The following TNFRSF1A variants were observed in gnomAD, a reference collection of about 807,000 sequenced individuals.
TNFRSF1A encodes the protein TNF receptor superfamily member 1A, also known as tumor necrosis factor receptor superfamily member 1A.
Under a neutral mutation model 41.6 loss-of-function variants are expected in TNFRSF1A, and 9 were observed. The observed-to-expected ratio is 0.22, with a 90% CI of 0.13 to 0.38. The LOEUF (loss-of-function observed/expected upper bound fraction) is 0.38. Ranked by LOEUF, TNFRSF1A falls within the 10% of genes least tolerant of loss-of-function variation. The probability of loss-of-function intolerance (pLI) is 1.00; values close to 1 mark genes in which losing one functional copy is unlikely to be tolerated. For synonymous variants in TNFRSF1A, 254 were observed against 248.6 expected (o/e 1.02, Z -0.21); for missense variants, 463 against 591.5 (o/e 0.78, Z 2.25).
At chr12:6,340,889 T>A (rs1948186465) in intron 1 of TNFRSF1A, among the ~76,000 whole-genome samples, 1 of 152,200 alleles carries the variant, frequency 6.6e-6, no homozygotes, top group Non-Finnish European at 1.5e-5. Flanking sequence ...GAAAGGGACA[T>A]TTTCCAGTGA....
intron 1 of TNFRSF1A, among the ~76,000 whole-genome samples, chr12:6,336,129 C>G (rs1305664059): frequency 6.6e-6 from 1 of 152,186 alleles, no homozygotes; most frequent in Non-Finnish European, 1.5e-5. Flanking sequence ...ATCCAGGGGG[C>G]TTGAGGCAGA....
Position 6,332,000 on chromosome 12 carries a change from CAAAAAAAAAAAA to C in TNFRSF1A, c.551+1057_551+1068del, listed in dbSNP as rs750532640. The C allele has an allele frequency of 2.9e-3, 231 of 78,896 alleles. 3 individuals carry two copies. In the Admixed American group the frequency reaches 0.043, roughly 15 times the overall value. The allele number at this position is 78,896 out of a possible 1,614,324, so 4.9% of individuals were successfully genotyped here. On this transcript the variant is annotated intron_variant, in intron 5 of 9. Transcript: ENST00000162749. ...TGGGCGACAGAGCAGGACTCTGTGT[CAAAAAAAAAAAA>C]AAAAAAAAAAAAGAAGATTAATGGA...
At chr12:6,329,750 CTCG>C (rs976168635) in intron 9 of TNFRSF1A, 25 bp downstream of exon 9, 16 of 1,586,368 alleles carry the variant, frequency 1.0e-5, no homozygotes, top group Non-Finnish European at 1.4e-5. Flanking sequence ...CCCCAGCCTC[CTCG>C]TCTCCAGCCG....
chr12:6,330,835 C>A lies in TNFRSF1A; in HGVS notation c.625+18G>T. Reference sequence around the variant, plus strand: ...GGAGAGGGCAGGTGAGCATGGGCACCAGGTCACTTCTCCTCACCTGAGTCC... The same window carrying A: ...GGAGAGGGCAGGTGAGCATGGGCACAAGGTCACTTCTCCTCACCTGAGTCC... On this transcript the variant is annotated intron_variant, in intron 6 of 9. Coordinates refer to ENST00000162749, the MANE Select transcript of TNFRSF1A (RefSeq NM_001065.4). 6.2e-7 allele frequency: 1 copy of A among 1,611,538 alleles called. No individual in the cohort carries two copies. Among genetic ancestry groups the A allele is most frequent in the African/African-American group, 1.3e-5 (1 of 74,972 alleles).
At position 6,329,543 on chromosome 12, in the gene TNFRSF1A, C is replaced by A. The variant is rs753951093; in HGVS notation, c.1137G>T (p.Gly379=). Residue 379 remains glycine, a synonymous_variant, in exon 10 of 10, where the codon GGG becomes GGT. Coordinates refer to ENST00000162749, the MANE Select transcript of TNFRSF1A (RefSeq NM_001065.4). ...LRWKEFVRRL[G]LSDHEIDRLE... Reference sequence around the variant, plus strand: ...GCCGATCGATCTCGTGGTCGCTCAGCCCTAGGCGCCGCACGAATTCCTTCC... The same window carrying A: ...GCCGATCGATCTCGTGGTCGCTCAGACCTAGGCGCCGCACGAATTCCTTCC... 1.3e-6 allele frequency: 2 copies of A among 1,593,272 alleles called. No individual in the cohort carries two copies. The highest frequency in any genetic ancestry group is 2.2e-5 in the South Asian group (2 of 90,388).
chr12:6,332,445 AAAAAAAAAAAC>A, intron 5 of TNFRSF1A, among the ~76,000 whole-genome samples: 1 of 151,144 alleles, frequency 6.6e-6, no homozygotes, highest in Non-Finnish European at 1.5e-5. Flanking sequence ...AAAAAAAAAA[AAAAAAAAAAAC>A]ACCAAAAGAA....
rs1948086902 is a variant in TNFRSF1A at position 6,334,035 on chromosome 12, G to A, written c.193+56C>T. On this transcript the variant is annotated intron_variant, in intron 2 of 9. Coordinates refer to ENST00000162749, the MANE Select transcript of TNFRSF1A (RefSeq NM_001065.4). This position sits in a 1 kb window ranked among gnomAD's most constrained non-coding sequence, Gnocchi z 5.1. ...TAGGGAAGAACAACTGGAAGAAGCA[G>A]AGAAAGAAGCAGCACCCCAGACCTG... The A allele has an allele frequency of 1.2e-6, 2 of 1,613,170 alleles. No individual in the cohort carries two copies. The highest frequency in any genetic ancestry group is 1.7e-5 in the Admixed American group (1 of 60,030).
chr12:6,333,029 T>C lies in TNFRSF1A; in HGVS notation c.551+40A>G, dbSNP rs752221424. On this transcript the variant is annotated intron_variant, in intron 5 of 9. Coordinates refer to ENST00000162749, the MANE Select transcript of TNFRSF1A (RefSeq NM_001065.4). The surrounding 1 kb of genome is among the most constrained non-coding windows in gnomAD (Gnocchi z 6.3). The stretch of plus-strand genomic sequence containing the variant: ...CCCACCAGTCACCCGTCCCAACCCA[T>C]GCCACCATCCAGTGCCCAGCAGCTC... 1.9e-6 allele frequency: 3 copies of C among 1,588,172 alleles called. No individual in the cohort carries two copies. Among genetic ancestry groups the C allele is most frequent in the Admixed American group, 1.7e-5 (1 of 59,992 alleles).
chr12:6,339,840 C>G (rs1444101757), intron 1 of TNFRSF1A, among the ~76,000 whole-genome samples: 1 of 112,062 alleles, frequency 8.9e-6, no homozygotes, highest in Non-Finnish European at 1.7e-5. Flanking sequence ...CTCTCTCTCT[C>G]TCACACACAC....
intron 7 of TNFRSF1A, 96 bp from the exon 8 acceptor site, chr12:6,330,391 C>T: frequency 4.7e-6 from 6 of 1,272,646 alleles, no homozygotes; most frequent in Non-Finnish European, 6.9e-6. Context: ...GGTGACATGC[C>T]TCAGGGCCTA....
chr12:6,329,029 T>C lies in TNFRSF1A; in HGVS notation c.*283A>G. On this transcript the variant is annotated 3_prime_UTR_variant, in exon 10 of 10. Coordinates refer to ENST00000162749, the MANE Select transcript of TNFRSF1A (RefSeq NM_001065.4). Reference sequence around the variant, plus strand: ...ACCAGGGGCCCCCGAGCAGCCTTGCTGGTGAGGACACCCAAAACGGGCATG... The same window carrying C: ...ACCAGGGGCCCCCGAGCAGCCTTGCCGGTGAGGACACCCAAAACGGGCATG... The C allele has an allele frequency of 2.6e-6, 1 of 392,124 alleles. No individual in the cohort carries two copies. The highest frequency in any genetic ancestry group is 4.5e-6 in the Non-Finnish European group (1 of 222,226). 24.3% of individuals were successfully genotyped at this position (392,124 alleles called of 1,614,324 possible).
chr12:6,338,537 G>T (rs1488733346), intron 1 of TNFRSF1A, among the ~76,000 whole-genome samples: 1 of 151,242 alleles, frequency 6.6e-6, no homozygotes, highest in Non-Finnish European at 1.5e-5. Flanking sequence ...GCATTTCCAT[G>T]GTCATGGAAA....
In TNFRSF1A at chr12:6,333,112, C is replaced by A; in HGVS notation, c.508G>T (p.Ala170Ser). Residue 170 changes from alanine to serine, a missense_variant, in exon 5 of 10, where the codon GCA (alanine) becomes TCA (serine). By Grantham distance (99) the Ala-to-Ser change is moderately conservative. This residue lies in a region of TNFRSF1A where 149 missense variants were observed against 239.4 expected (regional missense o/e 0.62). Coordinates refer to ENST00000162749, the MANE Select transcript of TNFRSF1A (RefSeq NM_001065.4). The surrounding 1 kb of genome is among the most constrained non-coding windows in gnomAD (Gnocchi z 6.3). Reference protein sequence around the residue: ...EKQNTVCTCHAGFFLRENECV... With the variant: ...EKQNTVCTCHSGFFLRENECV... ...TCGTTTTCTCTTAGAAAGAAACCTG[C>A]ATGGCAGGTGCACACGGTGTTCTGT... The A allele has an allele frequency of 6.2e-7, 1 of 1,614,236 alleles. No individual in the cohort carries two copies. The highest frequency in any genetic ancestry group is 8.5e-7 in the Non-Finnish European group (1 of 1,180,036).
chr12:6,338,556 A>G (rs999320576), intron 1 of TNFRSF1A, among the ~76,000 whole-genome samples: 1 of 150,968 alleles, frequency 6.6e-6, no homozygotes, highest in African/African-American at 2.4e-5. Context: ...AATGATCTGA[A>G]GACTTCCACA....
At chr12:6,338,755 G>A (rs953641611) in intron 1 of TNFRSF1A, among the ~76,000 whole-genome samples, 2 of 151,962 alleles carry the variant, frequency 1.3e-5, no homozygotes, top group Non-Finnish European at 2.9e-5. Flanking sequence ...TCAGTCTCCC[G>A]AATAGCTGGG....
At chr12:6,336,713 G>A (rs1030368949) in intron 1 of TNFRSF1A, among the ~76,000 whole-genome samples, 12 of 151,932 alleles carry the variant, frequency 7.9e-5, no homozygotes, top group African/African-American at 2.9e-4. Context: ...GCCCCTCAGC[G>A]GCCTTTAGCT....
Position 6,330,011 on chromosome 12 carries a change from G to A in TNFRSF1A, c.824C>T (p.Pro275Leu), listed in dbSNP as rs1473547216. The A allele has an allele frequency of 6.2e-7, 1 of 1,608,782 alleles. No homozygotes were observed. Residue 275 changes from proline to leucine, a missense_variant, in exon 9 of 10, where the codon CCC becomes CTC. By Grantham distance (98) the Pro-to-Leu change is moderately conservative. This residue lies in a region of TNFRSF1A where 277 missense variants were observed against 288.8 expected (regional missense o/e 0.96). Transcript: ENST00000162749. ...CAGGGTGGGGGTGAAGCCTGGAGTG[G>A]GACTGAAGCTTGGGTTTGGGGCCAG... ...KPLAPNPSFS[P>L]TPGFTPTLGF...
intron 1 of TNFRSF1A, among the ~76,000 whole-genome samples, chr12:6,338,751 TC>T (rs769290146): frequency 6.6e-6 from 1 of 152,040 alleles, no homozygotes. Context: ...GAGCTCAGTC[TC>T]CCGAATAGCT....
At chr12:6,331,225 C>T in intron 5 of TNFRSF1A, 1 of 458,586 alleles carries the variant, frequency 2.2e-6, no homozygotes, top group Non-Finnish European at 4.0e-6. Context: ...GCCATTAACC[C>T]CCAAGCCTCG....
Sources: gnomAD v4.1 joint callset for allele counts (sites outside exome capture counted in the v4.1 genomes callset) on GRCh38, gnomAD v4.1.1 for gene constraint, gnomAD v4.1.1 regional missense constraint, Gnocchi (gnomAD v3.1) non-coding constraint, MANE v1.5 for transcripts, NCBI Gene and HGNC (gene_info 2026-07-23, HGNC 2026-07-21) for gene names.